Variants in TOE1 observed in about 807,000 individuals in gnomAD.
The protein encoded by TOE1 is target of EGR1 protein 1.
A neutral mutation model predicts 49.2 loss-of-function variants in TOE1; 50 were observed. That is an observed-to-expected ratio of 1.02 (90% CI 0.81 to 1.29). The LOEUF is 1.29. Among genes scored for constraint, TOE1 ranks in the 50% most tolerant of loss-of-function variants. The pLI is 0.00. For synonymous variants in TOE1, 221 were observed against 247.0 expected (o/e 0.89, Z 0.99); for missense variants, 544 against 654.4 (o/e 0.83, Z 1.84).
In TOE1 at chr1:45,341,159, A is replaced by T. The variant is rs951336672; in HGVS notation, c.139A>T (p.Met47Leu). 1 of 1,614,136 alleles carries T rather than the reference A, an allele frequency of 6.2e-7. No individual in the cohort carries two copies. Among genetic ancestry groups the T allele is most frequent in the Non-Finnish European group, 8.5e-7 (1 of 1,180,022 alleles). Residue 47 changes from methionine (M) to leucine (L), a missense_variant, in exon 2 of 8, where the codon ATG becomes TTG. Coordinates refer to ENST00000372090, the MANE Select transcript of TOE1 (RefSeq NM_025077.4). ...TGTGCAAAGCAACAACTTCAAGGAG[A>T]TGTGGCCATCCCTCCTGCTAGCCAT... ...VDVQSNNFKEMWPSLLLAIKT... is the reference protein window; with the variant it reads ...VDVQSNNFKELWPSLLLAIKT...
Position 45,343,801 on chromosome 1 carries a change from A to C in TOE1, c.*99A>C. On this transcript the variant is annotated 3_prime_UTR_variant, in exon 8 of 8. Transcript: ENST00000372090. The surrounding 1 kb of genome is among the most constrained non-coding windows in gnomAD (Gnocchi z 4.3). ...TGCTACTGAGTTTAGGGGAGGGGGA[A>C]TGTCTTGACAGACATCACTGCATTG... 1 of 1,399,058 alleles carries C rather than the reference A, an allele frequency of 7.1e-7. No homozygotes were observed. Among genetic ancestry groups the C allele is most frequent in the Non-Finnish European group, 9.8e-7 (1 of 1,023,824 alleles). The allele number at this position is 1,399,058 out of a possible 1,614,324, so 86.7% of individuals were successfully genotyped here.
intron 1 of TOE1, 93 bp from the exon 2 acceptor site, chr1:45,340,980 C>A: frequency 6.4e-7 from 1 of 1,555,738 alleles, no homozygotes; most frequent in Non-Finnish European, 8.8e-7. Context: ...TGGAAACTAC[C>A]CCCCTTACCA....
At chr1:45,340,331 C>G in intron 1 of TOE1, 27 bp downstream of exon 1, 1 of 1,604,812 alleles carries the variant, frequency 6.2e-7, no homozygotes, top group Non-Finnish European at 8.5e-7. Flanking sequence ...AGGTAGCCTT[C>G]AAAGCCTCTG....
At chr1:45,341,603 G>GC (rs1184928860) in intron 4 of TOE1, 34 bp downstream of exon 4, 1 of 1,584,628 alleles carries the variant, frequency 6.3e-7, no homozygotes, top group South Asian at 1.1e-5. Flanking sequence ...CCTAGGTGTG[G>GC]CTGTGGGGTG....
At position 45,340,448 on chromosome 1, in the gene TOE1, G is replaced by A. The variant is rs929692534; in HGVS notation, c.52+144G>A. ...TAGCCACGAGGAGACTACAAGTTCC[G>A]TTGTACACCGCGGCTCCGGCTGCAA... On this transcript the variant is annotated intron_variant, in intron 1 of 7. Coordinates refer to ENST00000372090, the MANE Select transcript of TOE1 (RefSeq NM_025077.4). The A allele has an allele frequency of 4.7e-6, 7 of 1,494,288 alleles. No individual in the cohort carries two copies. In the South Asian group the frequency reaches 7.7e-5, roughly 16 times the overall value. 92.6% of individuals were successfully genotyped at this position (1,494,288 alleles called of 1,614,324 possible). A position where few individuals can be genotyped will look rare whatever the true frequency, so the allele number is the denominator to read the frequency against.
At chr1:45,341,902 G>C in intron 4 of TOE1, 47 bp from the exon 5 acceptor site, 1 of 1,599,200 alleles carries the variant, frequency 6.3e-7, no homozygotes, top group Non-Finnish European at 8.6e-7. Flanking sequence ...CATCCTCCTA[G>C]CTTGGCTCTC....
Position 45,342,491 on chromosome 1 carries a change from C to T in TOE1, c.600C>T (p.Tyr200=), listed in dbSNP as rs1193332111. Residue 200 remains tyrosine (Y), a synonymous_variant, in exon 6 of 8, where the codon TAC becomes TAT. Coordinates refer to ENST00000372090, the MANE Select transcript of TOE1 (RefSeq NM_025077.4). ...HNGLIDLVFL[Y]QNFYAHLPES... is the part of the protein sequence containing the mutation. ...GCCTTATAGACTTGGTGTTCCTGTA[C>T]CAGAACTTCTATGCACACCTCCCTG... The T allele has an allele frequency of 1.2e-6, 2 of 1,614,020 alleles. No homozygotes were observed. Among genetic ancestry groups the T allele is most frequent in the Non-Finnish European group, 1.7e-6 (2 of 1,180,042 alleles).
intron 4 of TOE1, 91 bp from the exon 5 acceptor site, chr1:45,341,858 C>G: frequency 7.3e-7 from 1 of 1,377,900 alleles, no homozygotes; most frequent in Non-Finnish European, 1.0e-6. Context: ...CCCCCTGAGT[C>G]CCCAGAGTCC....
At position 45,343,242 on chromosome 1, in the gene TOE1, C is replaced by T. The variant is rs1329339606; in HGVS notation, c.1073C>T (p.Ser358Phe). 3 of 1,613,928 alleles carry T rather than the reference C, an allele frequency of 1.9e-6. No homozygotes were observed. Among genetic ancestry groups the T allele is most frequent in the Non-Finnish European group, 2.5e-6 (3 of 1,180,016 alleles). ...ALLNLPGTQT[S>F]GEAKDGPPKK... Reference sequence around the variant, plus strand: ...TTGAACCTACCGGGGACACAGACCTCTGGGGAAGCTAAGGATGGTCCTCCC... The same window carrying T: ...TTGAACCTACCGGGGACACAGACCTTTGGGGAAGCTAAGGATGGTCCTCCC... The change falls in exon 8 of 8, where the codon TCT (serine) becomes TTT (phenylalanine). Residue 358 changes from serine (S) to phenylalanine (F), a missense_variant. Ser to Phe is a radical substitution (Grantham distance 155). Coordinates refer to ENST00000372090, the MANE Select transcript of TOE1 (RefSeq NM_025077.4). This position sits in a 1 kb window ranked among gnomAD's most constrained non-coding sequence, Gnocchi z 4.3.
At chr1:45,341,417 TG>T in intron 3 of TOE1, 55 bp from the exon 4 acceptor site, 1 of 1,614,046 alleles carries the variant, frequency 6.2e-7, no homozygotes, top group Non-Finnish European at 8.5e-7. Flanking sequence ...CTGGGTGGTT[TG>T]GGTCCTTCAT....
chr1:45,340,974 A>G, intron 1 of TOE1, 99 bp from the exon 2 acceptor site: 1 of 1,538,576 alleles, frequency 6.5e-7, no homozygotes, highest in Non-Finnish European at 8.9e-7. Flanking sequence ...TACCAATGGA[A>G]ACTACCCCCC....
At position 45,342,385 on chromosome 1, in the gene TOE1, G is replaced by A. The variant is rs1237379875; in HGVS notation, c.494G>A (p.Gly165Asp). Residue 165 changes from glycine to aspartate, a missense_variant and splice_region_variant, in exon 6 of 8, where the codon GGT (glycine) becomes GAT (aspartate). By Grantham distance (94) the Gly-to-Asp change is moderately conservative. Coordinates refer to ENST00000372090, the MANE Select transcript of TOE1 (RefSeq NM_025077.4). Reference protein sequence around the residue: ...GIPYHKGNDKGDESQSQSVRT... With the variant: ...GIPYHKGNDKDDESQSQSVRT... ...ATTGACCCCTTTACTTTCATCTAGGGTGATGAGAGCCAGAGCCAGTCAGTA... is the reference window on the plus strand; with the variant it reads ...ATTGACCCCTTTACTTTCATCTAGGATGATGAGAGCCAGAGCCAGTCAGTA... The A allele has an allele frequency of 7.4e-6, 12 of 1,613,820 alleles. No homozygotes were observed. Among genetic ancestry groups the A allele is most frequent in the Non-Finnish European group, 9.3e-6 (11 of 1,179,934 alleles).
intron 5 of TOE1, 118 bp from the exon 6 acceptor site, chr1:45,342,266 A>C: frequency 6.6e-7 from 1 of 1,509,382 alleles, no homozygotes; most frequent in Non-Finnish European, 9.0e-7. Context: ...GAGGGTGGGC[A>C]GCATTGGGTA....
rs774689873 is a variant in TOE1, at chr1:45,340,303, C to T, written c.51C>T (p.Asp17=). The T allele has an allele frequency of 2.5e-6, 4 of 1,612,468 alleles. No individual in the cohort carries two copies. The African/African-American group carries it at 4.0e-5, about 16-fold the overall frequency. ...CAGTTTCAGCTCCCGCAGCTTCCGA[C>T]GGTGAGCGGCTTCCCAGAGGTAGCC... ...DGAVSAPAAS[D]GGVSKSTTSG... is the part of the protein sequence containing the mutation. Residue 17 remains aspartate (D), a splice_region_variant and synonymous_variant, in exon 1 of 8, where the codon GAC becomes GAT. Coordinates refer to ENST00000372090, the MANE Select transcript of TOE1 (RefSeq NM_025077.4).
rs1419413327 is a variant in TOE1, at chr1:45,343,590, A to C, written c.1421A>C (p.Asn474Thr). ...GGACCCTGGCTCCCTGAATGCCACA[A>C]TAAGGTATATTTGAGTGGCAAAGCT... ...SSGPWLPECHNKVYLSGKAVP... is the reference protein window; with the variant it reads ...SSGPWLPECHTKVYLSGKAVP... The change falls in exon 8 of 8, where the codon AAT becomes ACT. Residue 474 changes from asparagine to threonine, a missense_variant. Asn to Thr is a moderately conservative substitution (Grantham distance 65, BLOSUM62 0). Transcript: ENST00000372090. The surrounding 1 kb of genome is among the most constrained non-coding windows in gnomAD (Gnocchi z 4.3). 4 of 1,614,000 alleles carry C rather than the reference A, an allele frequency of 2.5e-6. No individual in the cohort carries two copies. In the African/African-American group the frequency reaches 4.0e-5, roughly 16 times the overall value.
In TOE1 at chr1:45,341,355, C is replaced by G. The variant is rs767157590; in HGVS notation, c.236+12C>G. On this transcript the variant is annotated intron_variant, in intron 3 of 7. Coordinates refer to ENST00000372090, the MANE Select transcript of TOE1 (RefSeq NM_025077.4). ...AGTTTGCTGAACCAGTAAGTATAAG[C>G]CCTTTTCTCTTTAGTGCCAGCCCTC... 6.2e-7 allele frequency: 1 copy of G among 1,614,118 alleles called. No homozygotes were observed. The highest frequency in any genetic ancestry group is 8.5e-7 in the Non-Finnish European group (1 of 1,180,036).
At position 45,343,150 on chromosome 1, in the gene TOE1, T is replaced by G; in HGVS notation, c.981T>G (p.Thr327=). The change falls in exon 8 of 8, where the codon ACT becomes ACG. Residue 327 remains threonine, a synonymous_variant. Coordinates refer to ENST00000372090, the MANE Select transcript of TOE1 (RefSeq NM_025077.4). The surrounding 1 kb of genome is among the most constrained non-coding windows in gnomAD (Gnocchi z 4.3). ...QSHDIDLIID[T]DEAAAEDKRR... is the part of the protein sequence containing the mutation. The stretch of plus-strand genomic sequence containing the variant: ...ACGATATTGACCTTATCATTGACAC[T>G]GATGAGGCTGCGGCAGAGGACAAGC... 1.9e-6 allele frequency: 3 copies of G among 1,613,852 alleles called. No individual in the cohort carries two copies. The highest frequency in any genetic ancestry group is 2.5e-6 in the Non-Finnish European group (3 of 1,180,010).
At position 45,342,951 on chromosome 1, in the gene TOE1, G is replaced by GC. The variant is rs964135172; in HGVS notation, c.866dup (p.Ala290SerfsTer12). 8.1e-6 allele frequency: 13 copies of GC among 1,613,282 alleles called. No individual in the cohort carries two copies. Among genetic ancestry groups the GC allele is most frequent in the Non-Finnish European group, 1.1e-5 (13 of 1,179,930 alleles). ...ACCATATTGATTACCGCTGCTGCCT[G>GC]CCCCCAGCAACCCACCGTCCTCATC... On this transcript the variant is annotated frameshift_variant, in exon 7 of 8. Transcript: ENST00000372090. LOFTEE classifies it high-confidence loss of function.
Position 45,342,549 on chromosome 1 carries a change from G to T in TOE1, c.658G>T (p.Glu220Ter). Residue 220 changes from glutamate (E) to a stop codon, truncating the protein, a stop_gained, in exon 6 of 8, where the codon GAG becomes TAG. Coordinates refer to ENST00000372090, the MANE Select transcript of TOE1 (RefSeq NM_025077.4). LOFTEE classifies it high-confidence loss of function. ...GGGAACCTTCACCGCTGACCTGTGTGAGATGTTCCCAGCAGGCATTTATGA... is the reference window on the plus strand; with the variant it reads ...GGGAACCTTCACCGCTGACCTGTGTTAGATGTTCCCAGCAGGCATTTATGA... ...SLGTFTADLC[E>*]MFPAGIYDTK... The T allele has an allele frequency of 6.2e-7, 1 of 1,614,182 alleles. No individual in the cohort carries two copies. Among genetic ancestry groups the T allele is most frequent in the Non-Finnish European group, 8.5e-7 (1 of 1,180,040 alleles).
Sources: allele counts gnomAD v4.1 joint callset, GRCh38; gene constraint gnomAD v4.1.1; non-coding constraint Gnocchi (gnomAD v3.1); transcripts MANE v1.5; gene names NCBI Gene and HGNC (gene_info 2026-07-23, HGNC 2026-07-21).